The following ERO1A variants were observed in gnomAD, a reference collection of about 807,000 sequenced individuals.
ERO1A encodes the protein ERO1-like protein alpha.
In ERO1A, 49 loss-of-function variants were observed where a neutral mutation model predicts 76.9. The observed-to-expected ratio is 0.64, with a 90% CI of 0.51 to 0.81. The LOEUF (loss-of-function observed/expected upper bound fraction) is 0.81, where lower values mean the gene tolerates loss of function less well. ERO1A is among the 30% of genes least tolerant of loss of function. The probability of loss-of-function intolerance (pLI) is 0.00; values close to 1 mark genes in which losing one functional copy is unlikely to be tolerated. For missense variants in ERO1A, 448 were observed against 542.1 expected (o/e 0.83, Z 1.72); for synonymous variants, 174 against 181.2 (o/e 0.96, Z 0.32).
At chr14:52,692,462 A>G (rs1250842441) in intron 1 of ERO1A, among the ~76,000 whole-genome samples, 1 of 152,238 alleles carries the variant, frequency 6.6e-6, no homozygotes, top group African/African-American at 2.4e-5. Flanking sequence ...GGGACAGGCA[A>G]CAGGAAGAAA....
chr14:52,645,621 T>G (rs116814450), intron 15 of ERO1A, among the ~76,000 whole-genome samples: 4 of 151,880 alleles, frequency 2.6e-5, no homozygotes, highest in Non-Finnish European at 5.9e-5. Flanking sequence ...TAGAGGAAAA[T>G]AAAGACGATC....
In ERO1A at chr14:52,689,499, T is replaced by G. The variant is rs561105430; in HGVS notation, c.115-5592A>C. Among the ~76,000 whole-genome samples, 85 of 151,772 alleles carry G rather than the reference T, an allele frequency of 5.6e-4. 2 individuals carry two copies. In the South Asian group the frequency reaches 0.014, roughly 24 times the overall value. ...GTGCTTCTATACACTAACAATGAAC[T>G]ATCCAAAAAAAAATTAAGAAAACAA... is the stretch of plus-strand genomic sequence containing the variant. On this transcript the variant is annotated intron_variant, in intron 1 of 15. Coordinates refer to ENST00000395686, the MANE Select transcript of ERO1A (RefSeq NM_014584.3).
chr14:52,643,543 A>C lies in ERO1A; in HGVS notation c.*27T>G. ...CCACTCTTTCGCCTCCATTGTCCAG[A>C]AACAGGCACATATCAGCTTGTTTTC... On this transcript the variant is annotated 3_prime_UTR_variant, in exon 16 of 16. Transcript: ENST00000395686. 6.9e-7 allele frequency: 1 copy of C among 1,440,628 alleles called. No homozygotes were observed. The highest frequency in any genetic ancestry group is 9.2e-7 in the Non-Finnish European group (1 of 1,086,466). The allele number at this position is 1,440,628 out of a possible 1,614,324, so 89.2% of individuals were successfully genotyped here.
Position 52,640,200 on chromosome 14 carries a change from G to A in ERO1A, c.*3370C>T, listed in dbSNP as rs759446813. ...TTTGAAAAATAAAACAATACAGTAC[G>A]ATTTAAGTGACATACAATAGAGGTA... On this transcript the variant is annotated 3_prime_UTR_variant, in exon 16 of 16. Transcript: ENST00000395686. The A allele has an allele frequency of 2.6e-5, 4 of 152,148 alleles. No homozygotes were observed. Among genetic ancestry groups the A allele is most frequent in the Non-Finnish European group, 5.9e-5 (4 of 68,028 alleles). 9.4% of individuals were successfully genotyped at this position (152,148 alleles called of 1,614,324 possible).
rs1220100100 is a variant in ERO1A, at chr14:52,641,144, G to T, written c.*2426C>A. The T allele has an allele frequency of 6.6e-6, 1 of 152,140 alleles. No homozygotes were observed. Among genetic ancestry groups the T allele is most frequent in the African/African-American group, 2.4e-5 (1 of 41,422 alleles). 9.4% of individuals were successfully genotyped at this position (152,140 alleles called of 1,614,324 possible). A position where few individuals can be genotyped will look rare whatever the true frequency, so the allele number is the denominator to read the frequency against. ...CAAAAATGTCAAATACAGAAAAAAA[G>T]TCAAGTACTAGCTTGTGAATTAAAC... On this transcript the variant is annotated 3_prime_UTR_variant, in exon 16 of 16. Coordinates refer to ENST00000395686, the MANE Select transcript of ERO1A (RefSeq NM_014584.3).
intron 6 of ERO1A, among the ~76,000 whole-genome samples, chr14:52,667,929 T>TA (rs1258707533): frequency 6.6e-6 from 1 of 151,700 alleles, no homozygotes; most frequent in Non-Finnish European, 1.5e-5. Context: ...TACCTATTTT[T>TA]ATTATTAAAA....
At position 52,650,577 on chromosome 14, in the gene ERO1A, CAT is replaced by C. The variant is rs1453922111; in HGVS notation, c.1125+1660_1125+1661del. Among the ~76,000 whole-genome samples, 18 of 151,064 alleles carry C rather than the reference CAT, an allele frequency of 1.2e-4. No individual in the cohort carries two copies. In the East Asian group the frequency reaches 3.1e-3, roughly 26 times the overall value. On this transcript the variant is annotated intron_variant, in intron 13 of 15. Coordinates refer to ENST00000395686, the MANE Select transcript of ERO1A (RefSeq NM_014584.3). The stretch of plus-strand genomic sequence containing the variant: ...TTTCATATGTACATATATATAATTT[CAT>C]GTGTGTGTGTATATATATGTATGTA...
intron 6 of ERO1A, 85 bp downstream of exon 6, chr14:52,671,545 A>C: frequency 1.1e-6 from 1 of 922,698 alleles, no homozygotes; most frequent in Non-Finnish European, 1.7e-6. Flanking sequence ...CAGGCACACC[A>C]CCATGCCCAG....
intron 6 of ERO1A, among the ~76,000 whole-genome samples, chr14:52,670,850 T>C (rs2040573972): frequency 6.6e-6 from 1 of 152,136 alleles, no homozygotes; most frequent in Non-Finnish European, 1.5e-5. Context: ...TGTAATAAAA[T>C]TGATATAATA....
At chr14:52,674,359 AT>A (rs891462510) in intron 4 of ERO1A, among the ~76,000 whole-genome samples, 3 of 151,070 alleles carry the variant, frequency 2.0e-5, no homozygotes, top group Non-Finnish European at 4.4e-5. Context: ...CACTTGGCTA[AT>A]TTTTTTTTAG....
chr14:52,683,942 G>A, intron 1 of ERO1A, 35 bp from the exon 2 acceptor site: 6 of 1,525,168 alleles, frequency 3.9e-6, no homozygotes, highest in Non-Finnish European at 5.3e-6. Context: ...AAATTGAAAT[G>A]TCCTAAATGC....
At chr14:52,673,325 A>G (rs2040672435) in intron 4 of ERO1A, among the ~76,000 whole-genome samples, 1 of 152,148 alleles carries the variant, frequency 6.6e-6, no homozygotes, top group African/African-American at 2.4e-5. Flanking sequence ...CCTGGTCTCA[A>G]GCAGTCTGTC....
chr14:52,645,164 T>TA (rs1319141935), intron 15 of ERO1A, among the ~76,000 whole-genome samples: 1 of 152,076 alleles, frequency 6.6e-6, no homozygotes, highest in Non-Finnish European at 1.5e-5. Context: ...TTAAACAACA[T>TA]GATTTTTCTA....
Position 52,695,393 on chromosome 14 carries a change from G to A in ERO1A, c.89C>T (p.Thr30Ile). The change falls in exon 1 of 16, where the codon ACA becomes ATA. Residue 30 changes from threonine to isoleucine, a missense_variant. Around this residue, in one of 2 missense-constraint regions of ERO1A, gnomAD observed 146 missense variants for 130.2 expected, o/e 1.12. Transcript: ENST00000395686. ...SGHGEEQPPE[T>I]AAQRCFCQVS... is the part of the protein sequence containing the mutation. ...CTGGCAGAAGCACCTCTGTGCCGCT[G>A]TCTCCGGGGGCTGCTCCTCTCCGTG... 6.5e-7 allele frequency: 1 copy of A among 1,527,202 alleles called. No homozygotes were observed. The highest frequency in any genetic ancestry group is 8.8e-7 in the Non-Finnish European group (1 of 1,134,752). The allele number at this position is 1,527,202 out of a possible 1,614,324, so 94.6% of individuals were successfully genotyped here.
intron 4 of ERO1A, among the ~76,000 whole-genome samples, chr14:52,674,450 T>C (rs1320276454): frequency 7.2e-5 from 11 of 152,150 alleles, no homozygotes. Context: ...CCTCACATGG[T>C]GGCCTCCAAA....
At chr14:52,664,997 G>A (rs576814746) in intron 7 of ERO1A, among the ~76,000 whole-genome samples, 38 of 152,088 alleles carry the variant, frequency 2.5e-4, no homozygotes, top group African/African-American at 8.9e-4. Context: ...CGGGCGTGGT[G>A]GCTCATGCCT....
rs2039898248 is a variant in ERO1A at position 52,652,308 on chromosome 14, C to T, written c.1056G>A (p.Lys352=). Residue 352 remains lysine, a splice_region_variant and synonymous_variant, in exon 13 of 16, where the codon AAG becomes AAA. Transcript: ENST00000395686. The stretch of plus-strand genomic sequence containing the variant: ...TCTCATCAAAATGCAAAGGAAATGA[C>T]CTGCGTTTTAAAACAGAGAATATTC... The part of the protein sequence containing the change: ...MLLLEILHEI[K]SFPLHFDENS... 6.2e-7 allele frequency: 1 copy of T among 1,605,880 alleles called. No individual in the cohort carries two copies. The highest frequency in any genetic ancestry group is 1.3e-5 in the African/African-American group (1 of 74,792).
chr14:52,639,977 C>G lies in ERO1A; in HGVS notation c.*3593G>C, dbSNP rs947828318. Reference sequence around the variant, plus strand: ...TACAAATCCTTGGGACTCTACTGACCCTTGCTGTAAAGTGAAGGGAGTGAA... The same window carrying G: ...TACAAATCCTTGGGACTCTACTGACGCTTGCTGTAAAGTGAAGGGAGTGAA... On this transcript the variant is annotated 3_prime_UTR_variant, in exon 16 of 16. Transcript: ENST00000395686. 2.0e-5 allele frequency: 3 copies of G among 152,114 alleles called. No individual in the cohort carries two copies. The highest frequency in any genetic ancestry group is 4.4e-5 in the Non-Finnish European group (3 of 68,014). The allele number at this position is 152,114 out of a possible 1,614,324, so 9.4% of individuals were successfully genotyped here. A position where few individuals can be genotyped will look rare whatever the true frequency, so the allele number is the denominator to read the frequency against.
intron 4 of ERO1A, among the ~76,000 whole-genome samples, chr14:52,678,040 C>A (rs11629393): frequency 6.6e-6 from 1 of 151,736 alleles, no homozygotes; most frequent in African/African-American, 2.4e-5. Flanking sequence ...CCAAGACGGG[C>A]GGATCACCAG....
Sources: allele counts gnomAD v4.1 joint callset (sites outside exome capture counted in the v4.1 genomes callset), GRCh38; gene constraint gnomAD v4.1.1; regional missense constraint gnomAD v4.1.1; transcripts MANE v1.5; gene names NCBI Gene and HGNC (gene_info 2026-07-23, HGNC 2026-07-21).